TTLL8: variants seen among roughly 807,000 people sequenced by gnomAD.
TTLL8 encodes the protein tubulin tyrosine ligase like 8.
A neutral mutation model predicts 77.8 loss-of-function variants in TTLL8; 65 were observed. The ratio of observed to expected loss-of-function variants is 0.84; its 90% confidence interval spans 0.68 to 1.03. The LOEUF (loss-of-function observed/expected upper bound fraction) is 1.03. TTLL8 is among the 50% of genes least tolerant of loss of function. TTLL8 has a pLI of 0.00. For missense variants in TTLL8, 910 were observed against 1,004.5 expected, an observed-to-expected ratio of 0.91 and a Z score of 1.27; for synonymous variants, 402 against 422.8, an observed-to-expected ratio of 0.95 and a Z score of 0.60.
At chr22:50,052,184 G>T (rs1250672537) in intron 1 of TTLL8, among the ~76,000 whole-genome samples, 1 of 152,196 alleles carries the variant, frequency 6.6e-6, no homozygotes, top group Non-Finnish European at 1.5e-5. Context: ...GGCTGTGCAC[G>T]TGAATGAGCC....
chr22:50,033,167 T>G, intron 10 of TTLL8, 35 bp downstream of exon 11: 1 of 1,298,968 alleles, frequency 7.7e-7, no homozygotes, highest in Non-Finnish European at 1.0e-6. Flanking sequence ...GCCCATTCCC[T>G]GGCCCGAGGT....
intron 8 of TTLL8, among the ~76,000 whole-genome samples, chr22:50,036,193 G>A (rs935272514): frequency 2.6e-5 from 4 of 152,192 alleles, no homozygotes; most frequent in South Asian, 2.1e-4. Context: ...TGACGGGCCC[G>A]AAGCACCAGG....
At chr22:50,057,016 TG>T, upstream of TTLL8, 1 of 1,250,588 alleles carries the variant, frequency 8.0e-7, no homozygotes, top group Non-Finnish European at 1.0e-6. Flanking sequence ...TGGGAGGGTG[TG>T]GGGGGCTCTG....
At chr22:50,049,855 C>G (rs1023751641) in intron 2 of TTLL8, among the ~76,000 whole-genome samples, 2 of 152,040 alleles carry the variant, frequency 1.3e-5, no homozygotes, top group East Asian at 1.9e-4. Context: ...AGAAACCGCC[C>G]GGGCAGGAGG....
chr22:50,040,312 A>T (rs964310082), intron 8 of TTLL8, among the ~76,000 whole-genome samples: 10 of 151,224 alleles, frequency 6.6e-5, no homozygotes, highest in Admixed American at 2.0e-4. Context: ...AACAGCGTGG[A>T]TGGACCTCAA....
intron 12 of TTLL8, among the ~76,000 whole-genome samples, chr22:50,028,576 AC>A (rs1191458698): frequency 1.3e-5 from 2 of 149,002 alleles, no homozygotes; most frequent in African/African-American, 5.0e-5. Flanking sequence ...CGTCATAAAG[AC>A]CCCCACCATG....
At chr22:50,046,090 C>T (rs1200066614) in intron 4 of TTLL8, 120 bp from the exon 7 acceptor site, 1 of 881,662 alleles carries the variant, frequency 1.1e-6, no homozygotes, top group Non-Finnish European at 1.6e-6. Context: ...CACACAGCAC[C>T]CCTAGGGCGG....
chr22:50,050,524 C>A (rs929543160), intron 1 of TTLL8, among the ~76,000 whole-genome samples: 1 of 152,008 alleles, frequency 6.6e-6, no homozygotes, highest in Admixed American at 6.6e-5. Flanking sequence ...GTGCCTGCCA[C>A]TAAGGAAGGA....
chr22:50,046,079 C>G, intron 4 of TTLL8, 109 bp from the exon 7 acceptor site: 1 of 984,888 alleles, frequency 1.0e-6, no homozygotes, highest in Non-Finnish European at 1.4e-6. Context: ...CTATGGGGCA[C>G]CACACAGCAC....
chr22:50,038,707 G>A (rs2061351391), intron 8 of TTLL8, among the ~76,000 whole-genome samples: 1 of 152,114 alleles, frequency 6.6e-6, no homozygotes, highest in African/African-American at 2.4e-5. Context: ...AGCTACTTGA[G>A]AAGCTGAGGT....
rs112432406 is a variant in TTLL8, at chr22:50,032,168, G to A, written c.1284-59C>T. 4 of 1,298,772 alleles carry A rather than the reference G, an allele frequency of 3.1e-6. No individual in the cohort carries two copies. The African/African-American group carries it at 6.0e-5, about 20-fold the overall frequency. 80.5% of individuals were successfully genotyped at this position (1,298,772 alleles called of 1,614,324 possible). ...CCCTTGGCCCAGGAGGGCACCCAAG[G>A]CCGGTCCTCCCAGCCGTGCTGAGCC... On this transcript the variant is annotated intron_variant, in intron 10 of 13. Transcript: ENST00000266182.
rs868697430 is a variant in TTLL8, at chr22:50,034,721, C to T, written c.922-259G>A. Among the ~76,000 whole-genome samples the T allele has an allele frequency of 4.0e-5, 6 of 149,534 alleles. No homozygotes were observed. The South Asian group carries it at 6.4e-4, about 16-fold the overall frequency. On this transcript the variant is annotated intron_variant, in intron 8 of 13. Transcript: ENST00000266182. The surrounding 1 kb of genome is among the most constrained non-coding windows in gnomAD (Gnocchi z 4.1). ...GGCTGTGTTAAGACAGTGGGGACCC[C>T]GGTGTGTGGGTCGGAGCTGGCCACA... is the stretch of plus-strand genomic sequence containing the variant.
intron 10 of TTLL8, among the ~76,000 whole-genome samples, chr22:50,032,549 C>T (rs1416489853): frequency 2.6e-5 from 4 of 152,192 alleles, no homozygotes; most frequent in Non-Finnish European, 5.9e-5. Flanking sequence ...CGCAGCCGCT[C>T]GCCTGGGCCG....
Position 50,041,337 on chromosome 22 carries a change from G to T in TTLL8, c.831-60C>A. 1.9e-6 allele frequency: 1 copy of T among 538,298 alleles called. No individual in the cohort carries two copies. Among genetic ancestry groups the T allele is most frequent in the Non-Finnish European group, 3.5e-6 (1 of 287,882 alleles). The allele number at this position is 538,298 out of a possible 1,614,324, so 33.3% of individuals were successfully genotyped here. On this transcript the variant is annotated intron_variant, in intron 7 of 13. Transcript: ENST00000266182. The surrounding 1 kb of genome is among the most constrained non-coding windows in gnomAD (Gnocchi z 4.3). The stretch of plus-strand genomic sequence containing the variant: ...GTCCTGGTGGGACAGGCAACAGAGG[G>T]CCTGGGCACCCCGACACCCATAAGG...
At chr22:50,050,347 T>G in intron 1 of TTLL8, 100 bp from the exon 4 acceptor site, 1 of 829,408 alleles carries the variant, frequency 1.2e-6, no homozygotes, top group Non-Finnish European at 1.7e-6. Context: ...GTTTCTGAGA[T>G]TTGGGGGCAC....
exon 10 of TTLL8, chr22:50,033,233 T>A: frequency 7.4e-7 from 1 of 1,356,684 alleles, no homozygotes; most frequent in Non-Finnish European, 9.8e-7. Context: ...AAGCGCTGAG[T>A]TGAGAACCGC....
rs2061370728 is a variant in TTLL8, at chr22:50,041,517, T to C, written c.830+104A>G. 2.5e-6 allele frequency: 3 copies of C among 1,221,898 alleles called. No individual in the cohort carries two copies. Among genetic ancestry groups the C allele is most frequent in the African/African-American group, 1.6e-5 (1 of 63,142 alleles). The allele number at this position is 1,221,898 out of a possible 1,614,324, so 75.7% of individuals were successfully genotyped here. On this transcript the variant is annotated intron_variant, in intron 7 of 13. Coordinates refer to ENST00000266182, the Ensembl canonical transcript of TTLL8. This position sits in a 1 kb window ranked among gnomAD's most constrained non-coding sequence, Gnocchi z 4.3. ...ACTCAATACCCCACAGGTAGCCTAA[T>C]GCCCAGACAGGTGACCCAGTTCCCA...
At chr22:50,030,885 C>A (rs765874619) in exon 12 of TTLL8, 45 of 1,325,020 alleles carry the variant, frequency 3.4e-5, no homozygotes, top group Non-Finnish European at 4.5e-5. Flanking sequence ...GCCCGCCACG[C>A]AGAGGTCGGA....
chr22:50,028,602 C>T (rs867603318), intron 12 of TTLL8, among the ~76,000 whole-genome samples: 27 of 145,900 alleles, frequency 1.9e-4, no homozygotes, highest in African/African-American at 6.7e-4. Flanking sequence ...CGTAAAGACC[C>T]CCATCACACC....
Sources: gnomAD v4.1 joint callset for allele counts (sites outside exome capture counted in the v4.1 genomes callset) on GRCh38, gnomAD v4.1.1 for gene constraint, Gnocchi (gnomAD v3.1) non-coding constraint, MANE v1.5 for transcripts, NCBI Gene and HGNC (gene_info 2026-07-23, HGNC 2026-07-21) for gene names.